The following SP3 variants were observed in gnomAD, a reference collection of about 807,000 sequenced individuals.
The protein encoded by SP3 is transcription factor Sp3.
A neutral mutation model predicts 70.3 loss-of-function variants in SP3; 10 were observed. The ratio of observed to expected loss-of-function variants is 0.14; its 90% CI spans 0.09 to 0.24. The LOEUF (loss-of-function observed/expected upper bound fraction) is 0.24. Ranked by LOEUF, SP3 falls within the 10% of genes least tolerant of loss-of-function variation. The pLI is 1.00. For synonymous variants in SP3, 402 were observed against 333.5 expected (o/e 1.21, Z -2.24); for missense variants, 825 against 914.6 (o/e 0.90, Z 1.26).
chr2:173,904,724 CG>C lies in SP3; in HGVS notation c.*5216del, dbSNP rs1689268851. ...TGTCTGATTTCTGAACAGCTCCTCA[CG>C]GAAGGTGGCAGAAAGTAATGCTCAG... is the stretch of plus-strand genomic sequence containing the variant. On this transcript the variant is annotated 3_prime_UTR_variant, in exon 7 of 7. Transcript: ENST00000310015. Among the ~76,000 whole-genome samples the C allele has an allele frequency of 6.6e-6, 1 of 152,178 alleles. No homozygotes were observed. Among genetic ancestry groups the C allele is most frequent in the Non-Finnish European group, 1.5e-5 (1 of 68,034 alleles).
chr2:173,959,586 C>T (rs1402597732), intron 3 of SP3, among the ~76,000 whole-genome samples: 1 of 151,820 alleles, frequency 6.6e-6, no homozygotes, highest in Non-Finnish European at 1.5e-5. Flanking sequence ...ATTAGCCGGG[C>T]ATGGTGTACA....
rs1574389694 is a variant in SP3, at chr2:173,904,092, GCGGGGTTCACAA to G, written c.*5837_*5848del. 6.6e-6 allele frequency among the ~76,000 whole-genome samples: 1 copy of G among 152,116 alleles called. No homozygotes were observed. The highest frequency in any genetic ancestry group is 1.9e-4 in the East Asian group (1 of 5,190). ...AGGGCACTACCTAGATCCCTCGCATGCGGGGTTCACAACGGGGTTCGCACTCCTATGAGAATC... is the reference window on the plus strand; with the variant it reads ...AGGGCACTACCTAGATCCCTCGCATGCGGGGTTCGCACTCCTATGAGAATC... On this transcript the variant is annotated 3_prime_UTR_variant, in exon 7 of 7. Coordinates refer to ENST00000310015, the MANE Select transcript of SP3 (RefSeq NM_003111.5).
rs1689421701 is a variant in SP3, at chr2:173,909,635, A to T, written c.*306T>A. The T allele has an allele frequency of 4.9e-6, 1 of 202,856 alleles. No individual in the cohort carries two copies. 12.6% of individuals were successfully genotyped at this position (202,856 alleles called of 1,614,324 possible). A position where few individuals can be genotyped will look rare whatever the true frequency, so the allele number is the denominator to read the frequency against. On this transcript the variant is annotated 3_prime_UTR_variant, in exon 7 of 7. Transcript: ENST00000310015. ...TGTTCTCATTTTTACACTAAACCACACAGGATTGATGCATTTGGTTAGACT... is the reference window on the plus strand; with the variant it reads ...TGTTCTCATTTTTACACTAAACCACTCAGGATTGATGCATTTGGTTAGACT...
intron 5 of SP3, chr2:173,916,301 T>C (rs1435738621): frequency 1.3e-5 from 2 of 152,072 alleles, no homozygotes; most frequent in African/African-American, 4.8e-5. Context: ...AAACTTGTAA[T>C]AGCATGGTAA....
Position 173,904,062 on chromosome 2 carries a change from TAAG to T in SP3, c.*5876_*5878del, listed in dbSNP as rs1003339882. Among the ~76,000 whole-genome samples, 1 of 152,078 alleles carries T rather than the reference TAAG, an allele frequency of 6.6e-6. No homozygotes were observed. The highest frequency in any genetic ancestry group is 1.5e-5 in the Non-Finnish European group (1 of 68,002). On this transcript the variant is annotated 3_prime_UTR_variant, in exon 7 of 7. Coordinates refer to ENST00000310015, the MANE Select transcript of SP3 (RefSeq NM_003111.5). ...CAGATCATCAGACATTAGATTCTCTTAAGGAGGGCACTACCTAGATCCCTCGCA... is the reference window on the plus strand; with the variant it reads ...CAGATCATCAGACATTAGATTCTCTTGAGGGCACTACCTAGATCCCTCGCA...
At chr2:173,928,872 T>A (rs996376441) in intron 4 of SP3, among the ~76,000 whole-genome samples, 3 of 152,242 alleles carry the variant, frequency 2.0e-5, no homozygotes, top group African/African-American at 7.2e-5. Context: ...AAACATTTAT[T>A]GAACAACTAT....
intron 5 of SP3, chr2:173,913,538 T>C (rs776605085): frequency 8.7e-6 from 2 of 229,764 alleles, no homozygotes; most frequent in Non-Finnish European, 8.4e-6. Context: ...GGACATTTCA[T>C]ATGTAAAGAA....
intron 3 of SP3, among the ~76,000 whole-genome samples, chr2:173,958,239 AAAAC>A (rs1362581129): frequency 2.0e-5 from 3 of 151,686 alleles, no homozygotes; most frequent in African/African-American, 7.3e-5. Flanking sequence ...TTCTTTAAAA[AAAAC>A]AAAGTCAAAT....
At chr2:173,925,699 G>A (rs1047791199) in intron 4 of SP3, among the ~76,000 whole-genome samples, 9 of 152,034 alleles carry the variant, frequency 5.9e-5, no homozygotes, top group Admixed American at 5.9e-4. Context: ...AAACTATGAA[G>A]GATACACAGC....
At chr2:173,942,979 G>T (rs950716534) in intron 4 of SP3, among the ~76,000 whole-genome samples, 1 of 152,092 alleles carries the variant, frequency 6.6e-6, no homozygotes, top group Non-Finnish European at 1.5e-5. Context: ...CTTGTGGGAG[G>T]ATGTGTGTAG....
At position 173,903,122 on chromosome 2, in the gene SP3, C is replaced by G. The variant is rs1038120097; in HGVS notation, c.*6819G>C. Among the ~76,000 whole-genome samples the G allele has an allele frequency of 6.6e-6, 1 of 152,156 alleles. No individual in the cohort carries two copies. The highest frequency in any genetic ancestry group is 1.5e-5 in the Non-Finnish European group (1 of 68,026). ...AAGGTGACTTAACAAGGTGAATTAACTCATTAATACAACAATAGTTGAAGA... is the reference window on the plus strand; with the variant it reads ...AAGGTGACTTAACAAGGTGAATTAAGTCATTAATACAACAATAGTTGAAGA... On this transcript the variant is annotated 3_prime_UTR_variant, in exon 7 of 7. Transcript: ENST00000310015.
At chr2:173,962,278 C>G (rs1369403512) in intron 3 of SP3, among the ~76,000 whole-genome samples, 1 of 152,132 alleles carries the variant, frequency 6.6e-6, no homozygotes, top group Non-Finnish European at 1.5e-5. Context: ...CTAAACTTTA[C>G]AAATTACAGT....
At chr2:173,935,218 C>G (rs543309505) in intron 4 of SP3, among the ~76,000 whole-genome samples, 25 of 152,220 alleles carry the variant, frequency 1.6e-4, no homozygotes, top group Middle Eastern at 6.8e-3. Flanking sequence ...CTGGGTGAGA[C>G]AGTGAGACCC....
intron 4 of SP3, among the ~76,000 whole-genome samples, chr2:173,940,911 C>T (rs1690353647): frequency 6.6e-6 from 1 of 151,990 alleles, no homozygotes; most frequent in South Asian, 2.1e-4. Flanking sequence ...TATCCAATGC[C>T]CTTTCCCTGT....
rs139378974 is a variant in SP3 at position 173,916,496 on chromosome 2, G to C, written c.1832+2097C>G. The C allele has an allele frequency of 3.0e-3, 458 of 151,264 alleles. 2 individuals carry two copies. The highest frequency in any genetic ancestry group is 0.01 in the African/African-American group (430 of 41,308). 9.4% of individuals were successfully genotyped at this position (151,264 alleles called of 1,614,324 possible). A position where few individuals can be genotyped will look rare whatever the true frequency, so the allele number is the denominator to read the frequency against. On this transcript the variant is annotated intron_variant, in intron 5 of 6. Coordinates refer to ENST00000310015, the MANE Select transcript of SP3 (RefSeq NM_003111.5). The stretch of plus-strand genomic sequence containing the variant: ...CGTGACAGAGTTACATAAATTAACA[G>C]ATTTACAAAAAAAAAGAAACAATTC...
intron 4 of SP3, among the ~76,000 whole-genome samples, chr2:173,947,334 C>T (rs569010510): frequency 9.2e-5 from 14 of 152,070 alleles, no homozygotes; most frequent in Non-Finnish European, 1.8e-4. Flanking sequence ...GTGTGGTATT[C>T]TGGGTAAATT....
intron 4 of SP3, among the ~76,000 whole-genome samples, chr2:173,947,576 T>C (rs1180575522): frequency 2.0e-5 from 3 of 152,244 alleles, no homozygotes; most frequent in African/African-American, 7.2e-5. Context: ...TTATTGTTTT[T>C]GTTTCACTTC....
At chr2:173,914,334 G>C (rs776000880) in intron 5 of SP3, 1 of 151,654 alleles carries the variant, frequency 6.6e-6, no homozygotes, top group Admixed American at 6.6e-5. Flanking sequence ...CAATCTCACA[G>C]TTTAGGCATA....
At position 173,904,752 on chromosome 2, in the gene SP3, G is replaced by A. The variant is rs1403839513; in HGVS notation, c.*5189C>T. ...AAGGTGGCAGAAAGTAATGCTCAGA[G>A]AAGGGATGTAAGTCGGACAGATATC... On this transcript the variant is annotated 3_prime_UTR_variant, in exon 7 of 7. Coordinates refer to ENST00000310015, the MANE Select transcript of SP3 (RefSeq NM_003111.5). 1.3e-5 allele frequency among the ~76,000 whole-genome samples: 2 copies of A among 152,228 alleles called. No homozygotes were observed. Among genetic ancestry groups the A allele is most frequent in the Non-Finnish European group, 1.5e-5 (1 of 68,040 alleles).
Sources: gnomAD v4.1 joint callset for allele counts (sites outside exome capture counted in the v4.1 genomes callset) on GRCh38, gnomAD v4.1.1 for gene constraint, MANE v1.5 for transcripts, NCBI Gene and HGNC (gene_info 2026-07-23, HGNC 2026-07-21) for gene names.